FMN1: variants seen among roughly 807,000 people sequenced by gnomAD.
The protein encoded by FMN1 is formin-1.
FMN1 carries 110 observed loss-of-function variants against 132.4 expected under a neutral mutation model. That is an observed-to-expected ratio of 0.83 (90% CI 0.71 to 0.97). The LOEUF (loss-of-function observed/expected upper bound fraction) is 0.97. FMN1 is among the 50% of genes least tolerant of loss of function. The probability of loss-of-function intolerance (pLI) is 0.00; values close to 1 mark genes in which losing one functional copy is unlikely to be tolerated. For synonymous variants in FMN1, 722 were observed against 651.7 expected (o/e 1.11, Z -1.64); for missense variants, 1,792 against 1,705.3 (o/e 1.05, Z -0.90).
intron 6 of FMN1, among the ~76,000 whole-genome samples, chr15:33,043,755 G>T (rs1170655525): frequency 6.6e-6 from 1 of 152,242 alleles, no homozygotes; most frequent in Non-Finnish European, 1.5e-5. Context: ...CATGCAGCCA[G>T]TGGGAGCCAG....
intron 5 of FMN1, among the ~76,000 whole-genome samples, chr15:33,066,286 C>G (rs571198437): frequency 3.3e-5 from 5 of 152,290 alleles, no homozygotes; most frequent in African/African-American, 1.2e-4. Flanking sequence ...ACCTGCACAT[C>G]TTTGTGTATA....
intron 7 of FMN1, among the ~76,000 whole-genome samples, chr15:33,005,865 G>A (rs918564701): frequency 1.3e-5 from 2 of 152,154 alleles, no homozygotes; most frequent in African/African-American, 4.8e-5. Flanking sequence ...AGAAAGAGAG[G>A]TCTCCCTTTG....
intron 4 of FMN1, among the ~76,000 whole-genome samples, chr15:33,127,636 C>T (rs1034394051): frequency 2.2e-5 from 3 of 136,008 alleles, no homozygotes; most frequent in African/African-American, 5.1e-5. Flanking sequence ...ATTTTCCAAT[C>T]AAACTCAGCA....
At chr15:33,178,484 G>C (rs1294623215) in intron 3 of FMN1, among the ~76,000 whole-genome samples, 1 of 152,068 alleles carries the variant, frequency 6.6e-6, no homozygotes, top group Non-Finnish European at 1.5e-5. Context: ...AGATTGTTTT[G>C]TCCAATCCTA....
chr15:33,145,899 G>T (rs2444980), intron 4 of FMN1, among the ~76,000 whole-genome samples: 138,463 of 152,020 alleles, frequency 0.91, 63,141 homozygotes, highest in East Asian at 1. Flanking sequence ...CTAAAGACTT[G>T]AACGTTTTAG....
chr15:33,181,396 G>A (rs1358541131), intron 2 of FMN1, among the ~76,000 whole-genome samples: 1 of 152,114 alleles, frequency 6.6e-6, no homozygotes, highest in Non-Finnish European at 1.5e-5. Context: ...ATGCCCTTTG[G>A]GAGCTGCAGC....
chr15:32,910,431 G>A, intron 11 of FMN1, 43 bp downstream of exon 11: 1 of 1,439,314 alleles, frequency 6.9e-7, no homozygotes, highest in Non-Finnish European at 9.6e-7. Context: ...TCAGGTAGAA[G>A]ATAAATATGG....
chr15:32,981,395 G>A (rs2032646834), intron 7 of FMN1, among the ~76,000 whole-genome samples: 1 of 151,708 alleles, frequency 6.6e-6, no homozygotes, highest in Non-Finnish European at 1.5e-5. Context: ...GCAGGCACTT[G>A]TAGTCCCAGC....
chr15:33,139,802 A>G (rs1445073861), intron 4 of FMN1, among the ~76,000 whole-genome samples: 2 of 152,312 alleles, frequency 1.3e-5, no homozygotes, highest in East Asian at 3.9e-4. Context: ...TTAATCATCT[A>G]TAACATGAAG....
chr15:32,896,845 C>T (rs761789642), intron 15 of FMN1, among the ~76,000 whole-genome samples: 2 of 152,120 alleles, frequency 1.3e-5, no homozygotes, highest in Admixed American at 6.5e-5. Context: ...CAAATCTTAG[C>T]GATTGTGAAC....
chr15:32,991,814 AAAGGCCACAGGCATT>A (rs1280346249), intron 7 of FMN1, among the ~76,000 whole-genome samples: 20 of 152,322 alleles, frequency 1.3e-4, no homozygotes, highest in African/African-American at 4.8e-4. Context: ...TTTGACACTC[AAAGGCCACAGGCATT>A]ATATGGATCC....
At chr15:33,160,208 C>A (rs1157608547) in intron 3 of FMN1, among the ~76,000 whole-genome samples, 1 of 152,136 alleles carries the variant, frequency 6.6e-6, no homozygotes, top group African/African-American at 2.4e-5. Flanking sequence ...GATAAGACAA[C>A]TTCCCAGGGC....
chr15:32,984,845 C>T (rs2032951909), intron 7 of FMN1, among the ~76,000 whole-genome samples: 1 of 151,932 alleles, frequency 6.6e-6, no homozygotes, highest in East Asian at 1.9e-4. Context: ...CACTTGTGTA[C>T]AAGACACACT....
intron 2 of FMN1, among the ~76,000 whole-genome samples, chr15:33,184,761 C>A (rs1965822478): frequency 2.0e-5 from 3 of 152,154 alleles, no homozygotes; most frequent in Non-Finnish European, 4.4e-5. Context: ...ACCTCGGCCT[C>A]CCAAAATGCT....
chr15:32,938,277 CCAG>C (rs2061325359), intron 9 of FMN1, among the ~76,000 whole-genome samples: 1 of 151,970 alleles, frequency 6.6e-6, no homozygotes, highest in Non-Finnish European at 1.5e-5. Flanking sequence ...ACCTGTAATC[CCAG>C]CAACTTGAGA....
intron 10 of FMN1, among the ~76,000 whole-genome samples, chr15:32,920,991 G>A (rs557084478): frequency 1.3e-5 from 2 of 152,224 alleles, no homozygotes; most frequent in East Asian, 3.9e-4. Context: ...CATCACCTGG[G>A]TGCCAGACAC....
At chr15:33,099,161 C>T (rs1159192613) in intron 4 of FMN1, among the ~76,000 whole-genome samples, 7 of 152,026 alleles carry the variant, frequency 4.6e-5, no homozygotes, top group Non-Finnish European at 8.8e-5. Context: ...TGGGGTGGCG[C>T]GCACCTGTAG....
chr15:33,138,316 G>A (rs529561249), intron 4 of FMN1, among the ~76,000 whole-genome samples: 1 of 152,188 alleles, frequency 6.6e-6, no homozygotes, highest in South Asian at 2.1e-4. Context: ...ACCGACTCTT[G>A]GCTCCTGGGC....
intron 6 of FMN1, among the ~76,000 whole-genome samples, chr15:33,045,441 T>TC (rs1326112033): frequency 2.4e-4 from 37 of 152,144 alleles, no homozygotes; most frequent in African/African-American, 8.7e-4. Context: ...TTAAGAAATA[T>TC]CCCAAAAATC....
Sources: allele counts gnomAD v4.1 joint callset (sites outside exome capture counted in the v4.1 genomes callset), GRCh38; gene constraint gnomAD v4.1.1; transcripts MANE v1.5; gene names NCBI Gene and HGNC (gene_info 2026-07-23, HGNC 2026-07-21).